USP25: variants seen among roughly 807,000 people sequenced by gnomAD.
USP25 encodes ubiquitin carboxyl-terminal hydrolase 25.
USP25 carries 85 observed loss-of-function variants against 158.5 expected under a neutral mutation model. The ratio of observed to expected loss-of-function variants is 0.54; its 90% CI spans 0.45 to 0.64. The LOEUF (loss-of-function observed/expected upper bound fraction) is 0.64. Ranked by LOEUF, USP25 falls within the 30% of genes least tolerant of loss-of-function variation. The pLI, the probability that USP25 is intolerant of heterozygous loss-of-function variation, is 0.00. For missense variants in USP25, 1,242 were observed against 1,327.3 expected, an observed-to-expected ratio of 0.94 and a Z score of 1.00; for synonymous variants, 464 against 460.4, an observed-to-expected ratio of 1.01 and a Z score of -0.10.
intron 3 of USP25, 78 bp from the exon 4 acceptor site, chr21:15,777,826 G>A: frequency 1.5e-6 from 2 of 1,376,012 alleles, no homozygotes; most frequent in Non-Finnish European, 1.9e-6. Context: ...AGAGTATATT[G>A]GATATAAAAT....
In USP25 at chr21:15,730,457, C is replaced by G. The variant is rs1276249363; in HGVS notation, c.45+19C>G. The G allele has an allele frequency of 7.4e-7, 1 of 1,342,990 alleles. No individual in the cohort carries two copies. Among genetic ancestry groups the G allele is most frequent in the Non-Finnish European group, 9.6e-7 (1 of 1,040,730 alleles). 83.2% of individuals were successfully genotyped at this position (1,342,990 alleles called of 1,614,324 possible). A position where few individuals can be genotyped will look rare whatever the true frequency, so the allele number is the denominator to read the frequency against. On this transcript the variant is annotated intron_variant, in intron 1 of 25. Transcript: ENST00000400183. ...GCAGAAGGTGAGGCGAGTCCGCCAG[C>G]CGGCGGGCCCCACTTCTCCTTCCGA... is the stretch of plus-strand genomic sequence containing the variant.
chr21:15,832,901 T>C (rs1047247303), intron 16 of USP25, among the ~76,000 whole-genome samples: 4 of 151,846 alleles, frequency 2.6e-5, no homozygotes, highest in Non-Finnish European at 5.9e-5. Context: ...ACCTGTAGTC[T>C]CAGCTACCCG....
chr21:15,757,825 A>C (rs2033478850), intron 1 of USP25, among the ~76,000 whole-genome samples: 1 of 152,228 alleles, frequency 6.6e-6, no homozygotes, highest in Non-Finnish European at 1.5e-5. Flanking sequence ...TAAAAGTGGC[A>C]AAGAGTATGA....
At chr21:15,846,122 G>GTGTA (rs1211037382) in intron 18 of USP25, among the ~76,000 whole-genome samples, 2 of 55,708 alleles carry the variant, frequency 3.6e-5, no homozygotes, top group African/African-American at 7.3e-5. Flanking sequence ...GTGTGTGTGT[G>GTGTA]TATATATATA....
chr21:15,863,175 T>G (rs1057329073), intron 20 of USP25, among the ~76,000 whole-genome samples: 12 of 152,072 alleles, frequency 7.9e-5, no homozygotes, highest in African/African-American at 2.7e-4. Flanking sequence ...TGTAAATCTA[T>G]ACATATTTCT....
rs375771421 is a variant in USP25, at chr21:15,870,153, G to A, written c.2885+6G>A. On this transcript the variant is annotated splice_donor_region_variant and intron_variant, in intron 23 of 25. Coordinates refer to ENST00000400183, the MANE Select transcript of USP25 (RefSeq NM_001283041.3). Reference sequence around the variant, plus strand: ...GAAAATTTTCAAAGAGAAAGGTAAGGCAAAGTGGACAAATATGAAAAGAGC... The same window carrying A: ...GAAAATTTTCAAAGAGAAAGGTAAGACAAAGTGGACAAATATGAAAAGAGC... 2 of 1,597,174 alleles carry A rather than the reference G, an allele frequency of 1.3e-6. No individual in the cohort carries two copies. Among genetic ancestry groups the A allele is most frequent in the South Asian group, 2.2e-5 (2 of 88,924 alleles).
chr21:15,871,863 C>T (rs969273102), intron 23 of USP25, among the ~76,000 whole-genome samples: 8 of 151,418 alleles, frequency 5.3e-5, no homozygotes, highest in South Asian at 2.1e-4. Flanking sequence ...GGTGTGTGTG[C>T]GACTGTGATC....
intron 1 of USP25, among the ~76,000 whole-genome samples, chr21:15,760,065 A>G (rs548465459): frequency 3.3e-5 from 5 of 152,346 alleles, no homozygotes; most frequent in African/African-American, 9.6e-5. Flanking sequence ...GACACTGCCA[A>G]TGCCTATCCA....
chr21:15,816,420 T>C lies in USP25; in HGVS notation c.932-2278T>C, dbSNP rs2036938608. On this transcript the variant is annotated intron_variant, in intron 9 of 25. Transcript: ENST00000400183. This position sits in a 1 kb window ranked among gnomAD's most constrained non-coding sequence, Gnocchi z 4.0. ...AATTCTTACCAGTTGTTAATGCTGATGACTCTTAACCTCTTCTTCCTCCTT... is the reference window on the plus strand; with the variant it reads ...AATTCTTACCAGTTGTTAATGCTGACGACTCTTAACCTCTTCTTCCTCCTT... Among the ~76,000 whole-genome samples, 2 of 152,236 alleles carry C rather than the reference T, an allele frequency of 1.3e-5. No homozygotes were observed. Among genetic ancestry groups the C allele is most frequent in the Admixed American group, 1.3e-4 (2 of 15,290 alleles).
At chr21:15,854,010 G>T (rs543937247) in intron 20 of USP25, among the ~76,000 whole-genome samples, 10 of 152,038 alleles carry the variant, frequency 6.6e-5, no homozygotes, top group Non-Finnish European at 1.5e-4. Context: ...CATAAAATAT[G>T]TACACACCAT....
At chr21:15,813,026 T>C (rs2036750623) in intron 9 of USP25, among the ~76,000 whole-genome samples, 1 of 149,860 alleles carries the variant, frequency 6.7e-6, no homozygotes, top group Non-Finnish European at 1.5e-5. Flanking sequence ...CCCCCTTCCC[T>C]TCTGGCACCC....
At chr21:15,756,593 G>T (rs2033393104) in intron 1 of USP25, among the ~76,000 whole-genome samples, 1 of 152,074 alleles carries the variant, frequency 6.6e-6, no homozygotes, top group Non-Finnish European at 1.5e-5. Flanking sequence ...AGAAGGGAAA[G>T]AATTTCTATG....
chr21:15,797,373 G>A (rs909878559), intron 5 of USP25, among the ~76,000 whole-genome samples: 14 of 151,304 alleles, frequency 9.3e-5, no homozygotes, highest in African/African-American at 3.4e-4. Context: ...CCTAAAAGTT[G>A]CAAGGTGGAA....
At chr21:15,874,379 A>G in intron 23 of USP25, 24 bp from the exon 24 acceptor site, 1 of 1,573,458 alleles carries the variant, frequency 6.4e-7, no homozygotes, top group Non-Finnish European at 8.7e-7. Flanking sequence ...TACTAATGTT[A>G]TATGTTTCTT....
intron 4 of USP25, among the ~76,000 whole-genome samples, chr21:15,785,078 A>G (rs2035195967): frequency 6.6e-6 from 1 of 152,156 alleles, no homozygotes; most frequent in Non-Finnish European, 1.5e-5. Flanking sequence ...TCCCATGCAA[A>G]TTCAAACCAA....
intron 14 of USP25, among the ~76,000 whole-genome samples, chr21:15,828,072 T>C (rs945132708): frequency 7.2e-5 from 11 of 152,278 alleles, no homozygotes; most frequent in Admixed American, 1.3e-4. Context: ...GTTGGAATTA[T>C]ATTGAACAAT....
chr21:15,738,731 A>G (rs1476183848), intron 1 of USP25, among the ~76,000 whole-genome samples: 2 of 152,212 alleles, frequency 1.3e-5, no homozygotes, highest in South Asian at 2.1e-4. Flanking sequence ...CCTCAAAGAA[A>G]GAAAAAGTAA....
rs898745413 is a variant in USP25, at chr21:15,879,989, A to G, written c.*1514A>G. 9 of 152,228 alleles carry G rather than the reference A, an allele frequency of 5.9e-5. No individual in the cohort carries two copies. The East Asian group carries it at 1.7e-3, about 29-fold the overall frequency. 9.4% of individuals were successfully genotyped at this position (152,228 alleles called of 1,614,324 possible). A position where few individuals can be genotyped will look rare whatever the true frequency, so the allele number is the denominator to read the frequency against. ...GCATTGGTTTTCCAGTCCTGTTAAA[A>G]GTTTAGAAACTTCATATGTGTCATC... On this transcript the variant is annotated 3_prime_UTR_variant, in exon 26 of 26. Coordinates refer to ENST00000400183, the MANE Select transcript of USP25 (RefSeq NM_001283041.3).
intron 4 of USP25, among the ~76,000 whole-genome samples, chr21:15,780,171 C>T (rs1217673239): frequency 1.3e-5 from 2 of 152,064 alleles, no homozygotes; most frequent in African/African-American, 4.8e-5. Flanking sequence ...ATTCCAGAAT[C>T]ATTTGCTTAT....
Sources: gnomAD v4.1 joint callset for allele counts (sites outside exome capture counted in the v4.1 genomes callset) on GRCh38, gnomAD v4.1.1 for gene constraint, Gnocchi (gnomAD v3.1) non-coding constraint, MANE v1.5 for transcripts, NCBI Gene and HGNC (gene_info 2026-07-23, HGNC 2026-07-21) for gene names.